Variants in KCNQ1 observed in about 807,000 individuals in gnomAD.
KCNQ1 encodes the protein potassium voltage-gated channel subfamily KQT member 1.
Under a neutral mutation model 72.4 loss-of-function variants are expected in KCNQ1, and 49 were observed. That is an observed-to-expected ratio of 0.68 (90% CI 0.54 to 0.86). KCNQ1 has a LOEUF of 0.86. Among genes scored for constraint, KCNQ1 ranks in the 40% least tolerant of loss-of-function variants. The pLI is 0.00. For missense variants in KCNQ1, 790 were observed against 945.1 expected, an observed-to-expected ratio of 0.84 and a Z score of 2.15; for synonymous variants, 450 against 412.6, an observed-to-expected ratio of 1.09 and a Z score of -1.10.
rs564933456 is a variant in KCNQ1 at position 2,663,371 on chromosome 11, G to A, written c.1514+1290G>A. The A allele has an allele frequency of 2.5e-6, 1 of 398,794 alleles. No individual in the cohort carries two copies. Among genetic ancestry groups the A allele is most frequent in the Admixed American group, 4.4e-5 (1 of 22,748 alleles). The allele number at this position is 398,794 out of a possible 1,614,324, so 24.7% of individuals were successfully genotyped here. A position where few individuals can be genotyped will look rare whatever the true frequency, so the allele number is the denominator to read the frequency against. On this transcript the variant is annotated intron_variant, in intron 11 of 15. Transcript: ENST00000155840. The surrounding 1 kb of genome is among the most constrained non-coding windows in gnomAD (Gnocchi z 5.2). ...TAGCCAGATGGGCTGCCCAGGTACAGGTCAGCACCAGAAGGCAGAATGATG... is the reference window on the plus strand; with the variant it reads ...TAGCCAGATGGGCTGCCCAGGTACAAGTCAGCACCAGAAGGCAGAATGATG...
intron 1 of KCNQ1, among the ~76,000 whole-genome samples, chr11:2,448,973 G>A (rs1000459340): frequency 3.3e-5 from 5 of 152,238 alleles, no homozygotes; most frequent in East Asian, 1.9e-4. Flanking sequence ...TAGAGCCTGG[G>A]AGAAAGGGCC....
rs1021369380 is a variant in KCNQ1, at chr11:2,725,014, G to GTT, written c.1515-43828_1515-43827dup. ...TGGTGTGCCACCAGGGTCCCTGTCC[G>GTT]TTTAAGAAAAGCCTGTGGGCCCAAT... On this transcript the variant is annotated intron_variant, in intron 11 of 15. Coordinates refer to ENST00000155840, the MANE Select transcript of KCNQ1 (RefSeq NM_000218.3). This position sits in a 1 kb window ranked among gnomAD's most constrained non-coding sequence, Gnocchi z 7.2. 6.6e-6 allele frequency among the ~76,000 whole-genome samples: 1 copy of GTT among 152,208 alleles called. No individual in the cohort carries two copies. The highest frequency in any genetic ancestry group is 2.4e-5 in the African/African-American group (1 of 41,452).
chr11:2,585,085 T>A lies in KCNQ1; in HGVS notation c.1033-127T>A. The A allele has an allele frequency of 7.2e-6, 6 of 832,324 alleles. 1 individual carries two copies. In the South Asian group the frequency reaches 8.2e-5, roughly 11 times the overall value. 51.6% of individuals were successfully genotyped at this position (832,324 alleles called of 1,614,324 possible). On this transcript the variant is annotated intron_variant, in intron 7 of 15. Coordinates refer to ENST00000155840, the MANE Select transcript of KCNQ1 (RefSeq NM_000218.3). Reference sequence around the variant, plus strand: ...AGGCAGGCTGGGCCCGAGGTGGGACTTGGGGGGGCTTCCAGCACTGACCAT... The same window carrying A: ...AGGCAGGCTGGGCCCGAGGTGGGACATGGGGGGGCTTCCAGCACTGACCAT...
chr11:2,656,354 A>C (rs1025173164), intron 10 of KCNQ1: 1 of 398,576 alleles, frequency 2.5e-6, no homozygotes, highest in South Asian at 1.3e-4. Flanking sequence ...CACATTCTTC[A>C]AGCCTTACAG....
Position 2,610,755 on chromosome 11 carries a change from A to C in KCNQ1, c.1393+21901A>C, listed in dbSNP as rs530231561. 57 of 208,324 alleles carry C rather than the reference A, an allele frequency of 2.7e-4. No homozygotes were observed. Among genetic ancestry groups the C allele is most frequent in the Admixed American group, 1.6e-3 (15 of 9,194 alleles). 12.9% of individuals were successfully genotyped at this position (208,324 alleles called of 1,614,324 possible). The stretch of plus-strand genomic sequence containing the variant: ...TTTTTTTTTTTTTTTTACTTTGAGC[A>C]CTTGGGATCTGTTACCCCACTACTT... On this transcript the variant is annotated intron_variant, in intron 10 of 15. Transcript: ENST00000155840.
rs547963627 is a variant in KCNQ1 at position 2,818,306 on chromosome 11, C to T, written c.1795-29461C>T. 3.4e-4 allele frequency among the ~76,000 whole-genome samples: 51 copies of T among 152,214 alleles called. No individual in the cohort carries two copies. The highest frequency in any genetic ancestry group is 6.2e-4 in the Non-Finnish European group (42 of 68,032). On this transcript the variant is annotated intron_variant, in intron 15 of 15. Transcript: ENST00000155840. This position sits in a 1 kb window ranked among gnomAD's most constrained non-coding sequence, Gnocchi z 7.2. ...TACACAGCTTCCCTTTCTGCAAAGT[C>T]ACACCCCAAGCCCTGGCTTGAGCAT... is the stretch of plus-strand genomic sequence containing the variant.
chr11:2,737,914 C>T (rs1232380458), intron 11 of KCNQ1, among the ~76,000 whole-genome samples: 2 of 152,136 alleles, frequency 1.3e-5, no homozygotes, highest in Non-Finnish European at 2.9e-5. Flanking sequence ...TGCCCCCTGC[C>T]CAGGGGAGGC....
rs143103324 is a variant in KCNQ1, at chr11:2,663,162, C to T, written c.1514+1081C>T. 3,890 of 398,692 alleles carry T rather than the reference C, an allele frequency of 9.8e-3. 35 individuals are homozygous for T. Among genetic ancestry groups the T allele is most frequent in the Middle Eastern group, 0.021 (34 of 1,588 alleles). The allele number at this position is 398,692 out of a possible 1,614,324, so 24.7% of individuals were successfully genotyped here. A position where few individuals can be genotyped will look rare whatever the true frequency, so the allele number is the denominator to read the frequency against. On this transcript the variant is annotated intron_variant, in intron 11 of 15. Transcript: ENST00000155840. The surrounding 1 kb of genome is among the most constrained non-coding windows in gnomAD (Gnocchi z 5.2). ...ACCTGCCCACTGTCTTTCCAGGCCCCCCCAGTTCACAGAGAGGTTGGCAGT... is the reference window on the plus strand; with the variant it reads ...ACCTGCCCACTGTCTTTCCAGGCCCTCCCAGTTCACAGAGAGGTTGGCAGT...
rs1224334603 is a variant in KCNQ1 at position 2,588,111 on chromosome 11, T to C, written c.1251+419T>C. On this transcript the variant is annotated intron_variant, in intron 9 of 15. Transcript: ENST00000155840. This position sits in a 1 kb window ranked among gnomAD's most constrained non-coding sequence, Gnocchi z 5.6. Reference sequence around the variant, plus strand: ...TGAGGCAGGGGTGCAGCGAAGGGGGTCTGGAGGTCACAGGGCAGTGGAGTT... The same window carrying C: ...TGAGGCAGGGGTGCAGCGAAGGGGGCCTGGAGGTCACAGGGCAGTGGAGTT... 2.0e-5 allele frequency among the ~76,000 whole-genome samples: 3 copies of C among 150,926 alleles called. No homozygotes were observed. Among genetic ancestry groups the C allele is most frequent in the Non-Finnish European group, 4.4e-5 (3 of 67,700 alleles).
Position 2,620,860 on chromosome 11 carries a change from T to G in KCNQ1, c.1393+32006T>G. ...CAGCCTTCCCAGCAACTTTTATTTTTTTGACTTTTTAATAATTGCCATTCT... is the reference window on the plus strand; with the variant it reads ...CAGCCTTCCCAGCAACTTTTATTTTGTTGACTTTTTAATAATTGCCATTCT... On this transcript the variant is annotated intron_variant, in intron 10 of 15. Transcript: ENST00000155840. The surrounding 1 kb of genome is among the most constrained non-coding windows in gnomAD (Gnocchi z 4.5). The G allele has an allele frequency of 2.5e-6, 1 of 398,580 alleles. No homozygotes were observed. Among genetic ancestry groups the G allele is most frequent in the Non-Finnish European group, 4.4e-6 (1 of 226,058 alleles). The allele number at this position is 398,580 out of a possible 1,614,324, so 24.7% of individuals were successfully genotyped here.
chr11:2,470,694 C>T (rs141139506), intron 1 of KCNQ1, among the ~76,000 whole-genome samples: 2,751 of 131,556 alleles, frequency 0.021, 66 homozygotes, highest in African/African-American at 0.062. Flanking sequence ...TGGGGATCCA[C>T]TCAGTTAGGT....
chr11:2,776,856 G>T, intron 13 of KCNQ1, 130 bp from the exon 14 acceptor site: 1 of 888,592 alleles, frequency 1.1e-6, no homozygotes, highest in South Asian at 1.4e-5. Context: ...TTAGGGTCGG[G>T]GGTGTCCCCA....
chr11:2,502,648 A>G (rs1284246197), intron 1 of KCNQ1, among the ~76,000 whole-genome samples: 7 of 152,206 alleles, frequency 4.6e-5, no homozygotes, highest in Non-Finnish European at 1.0e-4. Flanking sequence ...CCCTATCACA[A>G]TACCAATGAC....
intron 15 of KCNQ1, among the ~76,000 whole-genome samples, chr11:2,829,213 G>A (rs3854430): frequency 0.15 from 22,202 of 152,068 alleles, 1,763 homozygotes; most frequent in Middle Eastern, 0.22. Context: ...AAAAGGCCAA[G>A]AGAATTTTCA....
rs995881527 is a variant in KCNQ1 at position 2,603,971 on chromosome 11, G to A, written c.1393+15117G>A. Reference sequence around the variant, plus strand: ...CTCCTAACCTGCTGGGACCACAGGCGTGAGCCACTGCACCCGGCCCTTGTG... The same window carrying A: ...CTCCTAACCTGCTGGGACCACAGGCATGAGCCACTGCACCCGGCCCTTGTG... On this transcript the variant is annotated intron_variant, in intron 10 of 15. Coordinates refer to ENST00000155840, the MANE Select transcript of KCNQ1 (RefSeq NM_000218.3). The surrounding 1 kb of genome is among the most constrained non-coding windows in gnomAD (Gnocchi z 4.1). Among the ~76,000 whole-genome samples the A allele has an allele frequency of 2.0e-5, 3 of 152,072 alleles. No individual in the cohort carries two copies. The highest frequency in any genetic ancestry group is 2.9e-5 in the Non-Finnish European group (2 of 68,018).
intron 11 of KCNQ1, chr11:2,694,166 T>C: frequency 5.0e-6 from 2 of 398,652 alleles, no homozygotes; most frequent in Non-Finnish European, 8.8e-6. Context: ...GAGGGTACTC[T>C]GATTGGCCAG....
rs1446257964 is a variant in KCNQ1, at chr11:2,593,521, T to A, written c.1393+4667T>A. Among the ~76,000 whole-genome samples the A allele has an allele frequency of 6.6e-6, 1 of 152,234 alleles. No individual in the cohort carries two copies. Among genetic ancestry groups the A allele is most frequent in the Non-Finnish European group, 1.5e-5 (1 of 68,038 alleles). ...GCGTCTTCAAAGCTGTGCCTGTGTG[T>A]GTCACCACGTGTTTGCCAGGTGACC... On this transcript the variant is annotated intron_variant, in intron 10 of 15. Transcript: ENST00000155840. The surrounding 1 kb of genome is among the most constrained non-coding windows in gnomAD (Gnocchi z 6.9).
intron 3 of KCNQ1, 33 bp from the exon 4 acceptor site, chr11:2,571,292 C>G (rs1200193156): frequency 1.9e-5 from 30 of 1,580,996 alleles, no homozygotes; most frequent in Non-Finnish European, 2.4e-5. Context: ...CTGTGGCGAT[C>G]ACGAAAAGCT....
rs1382438475 is a variant in KCNQ1 at position 2,482,798 on chromosome 11, T to C, written c.386+37314T>C. The stretch of plus-strand genomic sequence containing the variant: ...CTTTGTATTTTAGCCACCCATTCAC[T>C]GGCCCACCTGCCCCTGGTGCACCTG... On this transcript the variant is annotated intron_variant, in intron 1 of 15. Transcript: ENST00000155840. This position sits in a 1 kb window ranked among gnomAD's most constrained non-coding sequence, Gnocchi z 5.7. 2.0e-5 allele frequency among the ~76,000 whole-genome samples: 3 copies of C among 152,174 alleles called. No individual in the cohort carries two copies. Among genetic ancestry groups the C allele is most frequent in the Non-Finnish European group, 2.9e-5 (2 of 68,038 alleles).
Sources: allele counts gnomAD v4.1 joint callset (sites outside exome capture counted in the v4.1 genomes callset), GRCh38; gene constraint gnomAD v4.1.1; non-coding constraint Gnocchi (gnomAD v3.1); transcripts MANE v1.5; gene names NCBI Gene and HGNC (gene_info 2026-07-23, HGNC 2026-07-21).